CADPS2: variants seen among roughly 807,000 people sequenced by gnomAD.
CADPS2 encodes the protein calcium dependent secretion activator 2.
In CADPS2, 93 loss-of-function variants were observed where a neutral mutation model predicts 172.5. The observed-to-expected ratio is 0.54, with a 90% CI of 0.46 to 0.64. CADPS2 has a LOEUF of 0.64. CADPS2 is among the 30% of genes least tolerant of loss of function. The probability of loss-of-function intolerance (pLI) is 0.00; values close to 1 mark genes in which losing one functional copy is unlikely to be tolerated. For missense variants in CADPS2, 1,420 were observed against 1,565.9 expected (o/e 0.91, Z 1.57); for synonymous variants, 546 against 555.2 (o/e 0.98, Z 0.23).
intron 3 of CADPS2, among the ~76,000 whole-genome samples, chr7:122,658,367 C>T (rs867573172): frequency 2.9e-4 from 17 of 57,936 alleles, no homozygotes; most frequent in Non-Finnish European, 4.6e-4. Flanking sequence ...AAATACCATT[C>T]GACCAGCCAT....
At chr7:122,608,314 C>T (rs1029876602) in intron 6 of CADPS2, among the ~76,000 whole-genome samples, 1 of 151,756 alleles carries the variant, frequency 6.6e-6, no homozygotes, top group Non-Finnish European at 1.5e-5. Context: ...AATTATACTT[C>T]AAAAATAATT....
chr7:122,701,994 G>A (rs1461706330), intron 2 of CADPS2: 8 of 1,613,622 alleles, frequency 5.0e-6, no homozygotes, highest in Non-Finnish European at 3.4e-6. Flanking sequence ...TCTTCATTTA[G>A]GTCTAATTCC....
At chr7:122,591,649 A>G (rs1356216316) in intron 6 of CADPS2, among the ~76,000 whole-genome samples, 2 of 152,140 alleles carry the variant, frequency 1.3e-5, no homozygotes, top group African/African-American at 4.8e-5. Context: ...ATATAGACCA[A>G]TGGAACAGAA....
At chr7:122,523,501 T>C (rs1301653266) in intron 8 of CADPS2, among the ~76,000 whole-genome samples, 2 of 152,108 alleles carry the variant, frequency 1.3e-5, no homozygotes, top group Non-Finnish European at 2.9e-5. Context: ...TTTTAAGTGG[T>C]TCATGATCAG....
chr7:122,728,566 G>GAAAGT (rs1192820498), intron 2 of CADPS2, among the ~76,000 whole-genome samples: 21 of 151,782 alleles, frequency 1.4e-4, no homozygotes, highest in African/African-American at 5.1e-4. Flanking sequence ...GATTTGTCCT[G>GAAAGT]AAAGTAAAGT....
chr7:122,590,418 C>T (rs907432098), intron 6 of CADPS2, among the ~76,000 whole-genome samples: 2 of 151,866 alleles, frequency 1.3e-5, no homozygotes, highest in African/African-American at 4.8e-5. Flanking sequence ...AACACTATAT[C>T]TTGAACTTCT....
At chr7:122,751,854 A>G (rs1030236853) in intron 1 of CADPS2, among the ~76,000 whole-genome samples, 1 of 152,226 alleles carries the variant, frequency 6.6e-6, no homozygotes, top group Non-Finnish European at 1.5e-5. Flanking sequence ...GTGTATTGGT[A>G]AAAGGTATGC....
intron 12 of CADPS2, among the ~76,000 whole-genome samples, chr7:122,475,954 T>C (rs1052661040): frequency 1.3e-5 from 2 of 152,186 alleles, no homozygotes; most frequent in Non-Finnish European, 2.9e-5. Context: ...AAACAGCTTT[T>C]CCTGAACTAA....
At chr7:122,849,954 C>G in intron 1 of CADPS2, 1 of 547,482 alleles carries the variant, frequency 1.8e-6, no homozygotes, top group South Asian at 2.1e-5. Context: ...CCAGTACTAG[C>G]CCCAGGCTTT....
intron 17 of CADPS2, among the ~76,000 whole-genome samples, chr7:122,426,464 T>C (rs1159385124): frequency 1.4e-5 from 2 of 146,946 alleles, no homozygotes; most frequent in African/African-American, 5.1e-5. Context: ...GTGTGTCTTT[T>C]AAAAAGCTTC....
chr7:122,516,702 T>C (rs984385072), intron 8 of CADPS2, among the ~76,000 whole-genome samples: 5 of 152,104 alleles, frequency 3.3e-5, no homozygotes, highest in African/African-American at 1.2e-4. Context: ...AAAATTCTTA[T>C]AATGTTAGGT....
chr7:122,463,810 G>C (rs1267249875), intron 14 of CADPS2, among the ~76,000 whole-genome samples: 1 of 152,160 alleles, frequency 6.6e-6, no homozygotes, highest in Non-Finnish European at 1.5e-5. Context: ...TGAAGTTCAG[G>C]GGTTGAACAA....
intron 1 of CADPS2, among the ~76,000 whole-genome samples, chr7:122,847,483 A>G (rs971262435): frequency 2.0e-5 from 3 of 152,168 alleles, no homozygotes; most frequent in Non-Finnish European, 4.4e-5. Context: ...ACTTTCTTCA[A>G]TAATTATGTG....
At chr7:122,530,899 G>A (rs528958246) in intron 8 of CADPS2, among the ~76,000 whole-genome samples, 2 of 152,188 alleles carry the variant, frequency 1.3e-5, no homozygotes, top group South Asian at 4.1e-4. Context: ...CTGGGGAGAG[G>A]GACCTCCTGT....
chr7:122,630,523 G>A (rs1298886756), intron 3 of CADPS2, among the ~76,000 whole-genome samples: 3 of 152,032 alleles, frequency 2.0e-5, no homozygotes, highest in Non-Finnish European at 4.4e-5. Context: ...AGAGAAGCAG[G>A]GCAACTTCAT....
At chr7:122,593,074 T>C (rs188953187) in intron 6 of CADPS2, among the ~76,000 whole-genome samples, 1 of 152,108 alleles carries the variant, frequency 6.6e-6, no homozygotes, top group Admixed American at 6.6e-5. Context: ...AGTTTAATAA[T>C]ATACTGCATG....
At chr7:122,849,631 T>C (rs1306885305) in intron 1 of CADPS2, 2 of 271,498 alleles carry the variant, frequency 7.4e-6, no homozygotes, top group Admixed American at 5.1e-5. Context: ...TAAGCATTTA[T>C]ATGTTTACTA....
intron 17 of CADPS2, among the ~76,000 whole-genome samples, chr7:122,427,664 C>T (rs1416270256): frequency 6.6e-6 from 1 of 152,024 alleles, no homozygotes; most frequent in Non-Finnish European, 1.5e-5. Flanking sequence ...GGATCTGACC[C>T]TATGCTTGTA....
chr7:122,867,133 C>A (rs147619631), intron 1 of CADPS2, among the ~76,000 whole-genome samples: 1 of 152,266 alleles, frequency 6.6e-6, no homozygotes, highest in Admixed American at 6.5e-5. Context: ...CTTGCCCTGA[C>A]CACCCTATCT....
Sources: allele counts gnomAD v4.1 joint callset (sites outside exome capture counted in the v4.1 genomes callset), GRCh38; gene constraint gnomAD v4.1.1; transcripts MANE v1.5; gene names NCBI Gene and HGNC (gene_info 2026-07-23, HGNC 2026-07-21).